The following CCDC170 variants were observed in gnomAD, a reference collection of about 807,000 sequenced individuals.
CCDC170 encodes the protein coiled-coil domain containing 170.
A neutral mutation model predicts 72.6 loss-of-function variants in CCDC170; 69 were observed. The observed-to-expected ratio is 0.95, with a 90% confidence interval of 0.78 to 1.16. CCDC170 has a LOEUF of 1.16. Among genes scored for constraint, CCDC170 ranks in the 50% most tolerant of loss-of-function variants. The pLI, the probability that CCDC170 is intolerant of heterozygous loss-of-function variation, is 0.00. For missense variants in CCDC170, 852 were observed against 832.5 expected (o/e 1.02, Z -0.29); for synonymous variants, 300 against 303.9 (o/e 0.99, Z 0.13).
intron 5 of CCDC170, among the ~76,000 whole-genome samples, chr6:151,564,668 G>T (rs559427620): frequency 6.6e-6 from 1 of 152,198 alleles, no homozygotes; most frequent in East Asian, 1.9e-4. Context: ...GCCATCTGTG[G>T]TGGTAGCAAC....
At chr6:151,545,691 G>C (rs1220691178) in intron 4 of CCDC170, among the ~76,000 whole-genome samples, 1 of 152,058 alleles carries the variant, frequency 6.6e-6, no homozygotes, top group Non-Finnish European at 1.5e-5. Context: ...CTGGAGTACA[G>C]TGATATGATC....
chr6:151,544,153 A>G (rs537823200), intron 3 of CCDC170, among the ~76,000 whole-genome samples: 1 of 152,304 alleles, frequency 6.6e-6, no homozygotes, highest in South Asian at 2.1e-4. Context: ...GTTTGAAAAT[A>G]AAATGAAGCT....
At chr6:151,516,474 G>C (rs1422073844) in intron 1 of CCDC170, among the ~76,000 whole-genome samples, 2 of 152,166 alleles carry the variant, frequency 1.3e-5, no homozygotes, top group Non-Finnish European at 2.9e-5. Context: ...TAACTGAGCA[G>C]GTTCTTTGCT....
At chr6:151,511,087 A>T (rs1355248333) in intron 1 of CCDC170, among the ~76,000 whole-genome samples, 1 of 152,118 alleles carries the variant, frequency 6.6e-6, no homozygotes, top group Non-Finnish European at 1.5e-5. Flanking sequence ...ACCTAATAAG[A>T]TGTGGATGAA....
At chr6:151,511,698 C>T (rs547556438) in intron 1 of CCDC170, among the ~76,000 whole-genome samples, 5 of 152,266 alleles carry the variant, frequency 3.3e-5, no homozygotes, top group South Asian at 4.1e-4. Context: ...CCTGCTCTCA[C>T]GGAGCTTACA....
intron 4 of CCDC170, among the ~76,000 whole-genome samples, chr6:151,545,515 A>G (rs1360819992): frequency 6.6e-6 from 1 of 152,320 alleles, no homozygotes; most frequent in South Asian, 2.1e-4. Context: ...CACTTGGCCC[A>G]TAGTGCTTCA....
At chr6:151,543,818 T>G (rs1157607593) in intron 3 of CCDC170, among the ~76,000 whole-genome samples, 1 of 152,218 alleles carries the variant, frequency 6.6e-6, no homozygotes, top group Non-Finnish European at 1.5e-5. Flanking sequence ...TTTAAAAGGC[T>G]GAGTAGTATT....
At chr6:151,520,153 A>C (rs1205935251) in intron 1 of CCDC170, among the ~76,000 whole-genome samples, 2 of 152,182 alleles carry the variant, frequency 1.3e-5, no homozygotes, top group Non-Finnish European at 2.9e-5. Context: ...GCATGTTTAC[A>C]TTGTGAGGTC....
chr6:151,620,267 T>TGTTG lies in CCDC170; in HGVS notation c.*2126_*2129dup, dbSNP rs1014695842. 2 of 151,118 alleles carry TGTTG rather than the reference T, an allele frequency of 1.3e-5. No homozygotes were observed. Among genetic ancestry groups the TGTTG allele is most frequent in the African/African-American group, 4.9e-5 (2 of 41,088 alleles). 9.4% of individuals were successfully genotyped at this position (151,118 alleles called of 1,614,324 possible). ...AAAGAAAGCGAATGAATTTGACACC[T>TGTTG]GTTGGTTGGATGACAGACCACACAG... On this transcript the variant is annotated 3_prime_UTR_variant, in exon 11 of 11. Transcript: ENST00000239374.
At chr6:151,501,985 A>G (rs1782000607) in intron 1 of CCDC170, among the ~76,000 whole-genome samples, 1 of 152,112 alleles carries the variant, frequency 6.6e-6, no homozygotes, top group Admixed American at 6.5e-5. Context: ...GGTGGCTTTG[A>G]TCTAAGGCAG....
chr6:151,601,208 A>G (rs1776703763), intron 9 of CCDC170, among the ~76,000 whole-genome samples: 1 of 152,188 alleles, frequency 6.6e-6, no homozygotes, highest in Non-Finnish European at 1.5e-5. Context: ...GTTTTCCCTT[A>G]TAAAACCATC....
rs1268484012 is a variant in CCDC170, at chr6:151,572,657, T to TTTTTTGTTTG, written c.775-512_775-511insGTTTGTTTTT. Among the ~76,000 whole-genome samples the TTTTTTGTTTG allele has an allele frequency of 9.5e-5, 13 of 136,312 alleles. 1 individual carries two copies. Among genetic ancestry groups the TTTTTTGTTTG allele is most frequent in the Admixed American group, 1.5e-4 (2 of 13,716 alleles). The allele number at this position is 136,312 out of a possible 152,430, so 89.4% of individuals were successfully genotyped here. On this transcript the variant is annotated intron_variant, in intron 5 of 10. Coordinates refer to ENST00000239374, the MANE Select transcript of CCDC170 (RefSeq NM_025059.4). ...TTATATCCCTTCTCTGTGTTTTTTT[T>TTTTTTGTTTG]TTTTTTTTTTTTGATGGAGTCTTGT... is the stretch of plus-strand genomic sequence containing the variant.
intron 7 of CCDC170, 61 bp from the exon 8 acceptor site, chr6:151,593,046 G>C: frequency 6.5e-7 from 1 of 1,539,152 alleles, no homozygotes. Flanking sequence ...AAGAGATTCT[G>C]TGAGATCACT....
intron 8 of CCDC170, among the ~76,000 whole-genome samples, chr6:151,594,345 C>T (rs1776589199): frequency 1.3e-5 from 2 of 152,080 alleles, no homozygotes; most frequent in Admixed American, 1.3e-4. Context: ...CTATATACCC[C>T]AAGGAGTTGT....
At chr6:151,496,180 G>A (rs2115013818) in intron 1 of CCDC170, among the ~76,000 whole-genome samples, 1 of 152,180 alleles carries the variant, frequency 6.6e-6, no homozygotes, top group African/African-American at 2.4e-5. Context: ...TTTTGGGTAG[G>A]AATAACATAA....
rs113780822 is a variant in CCDC170 at position 151,522,835 on chromosome 6, G to A, written c.58-13483G>A. On this transcript the variant is annotated intron_variant, in intron 1 of 10. Coordinates refer to ENST00000239374, the MANE Select transcript of CCDC170 (RefSeq NM_025059.4). The stretch of plus-strand genomic sequence containing the variant: ...CGTATCTTACATAGAAACAAGCATC[G>A]CACCTAAGGTGTGCGCATTTCTCTT... 3.3e-3 allele frequency among the ~76,000 whole-genome samples: 506 copies of A among 152,280 alleles called. 2 individuals carry two copies. The highest frequency in any genetic ancestry group is 0.012 in the African/African-American group (493 of 41,552).
chr6:151,546,595 C>T (rs9479066), intron 4 of CCDC170, among the ~76,000 whole-genome samples: 15,821 of 152,146 alleles, frequency 0.1, 2,551 homozygotes, highest in African/African-American at 0.34. Flanking sequence ...CTGGCTGTTA[C>T]CTGCAGATTA....
intron 1 of CCDC170, among the ~76,000 whole-genome samples, chr6:151,501,632 A>G (rs1242992719): frequency 1.3e-5 from 2 of 152,208 alleles, no homozygotes; most frequent in African/African-American, 4.8e-5. Flanking sequence ...TAGAGATGAG[A>G]TAAAATCTTC....
At chr6:151,616,122 G>T (rs1453160508) in intron 10 of CCDC170, among the ~76,000 whole-genome samples, 1 of 152,126 alleles carries the variant, frequency 6.6e-6, no homozygotes, top group East Asian at 1.9e-4. Context: ...TATGTTAGGT[G>T]ATCGCCTCTG....
Sources: gnomAD v4.1 joint callset for allele counts (sites outside exome capture counted in the v4.1 genomes callset) on GRCh38, gnomAD v4.1.1 for gene constraint, MANE v1.5 for transcripts, NCBI Gene and HGNC (gene_info 2026-07-23, HGNC 2026-07-21) for gene names.